The following EPRS1 variants were observed in gnomAD, a reference collection of about 807,000 sequenced individuals.
EPRS1 encodes glutamyl-prolyl-tRNA synthetase 1.
A neutral mutation model predicts 188.3 loss-of-function variants in EPRS1; 107 were observed. The ratio of observed to expected loss-of-function variants is 0.57; its 90% CI spans 0.49 to 0.67. EPRS1 has a LOEUF of 0.67. Among genes scored for constraint, EPRS1 ranks in the 30% least tolerant of loss-of-function variants. The probability of loss-of-function intolerance (pLI) is 0.00; values close to 1 mark genes in which losing one functional copy is unlikely to be tolerated. For synonymous variants in EPRS1, 596 were observed against 593.1 expected (o/e 1.00, Z -0.07); for missense variants, 1,577 against 1,802.2 (o/e 0.88, Z 2.26).
chr1:220,030,500 T>C lies in EPRS1; in HGVS notation c.529-20A>G. The C allele has an allele frequency of 1.3e-6, 2 of 1,586,344 alleles. No individual in the cohort carries two copies. The highest frequency in any genetic ancestry group is 2.7e-5 in the African/African-American group (2 of 74,524). Reference sequence around the variant, plus strand: ...AGGTGCCTGAAAAACACAACCACCATCACAACAAAAAGTCTTATGGTTAAA... The same window carrying C: ...AGGTGCCTGAAAAACACAACCACCACCACAACAAAAAGTCTTATGGTTAAA... On this transcript the variant is annotated intron_variant, in intron 5 of 31. Coordinates refer to ENST00000366923, the MANE Select transcript of EPRS1 (RefSeq NM_004446.3).
chr1:220,010,516 T>C (rs1451667168), intron 13 of EPRS1, among the ~76,000 whole-genome samples: 1 of 152,116 alleles, frequency 6.6e-6, no homozygotes, highest in Non-Finnish European at 1.5e-5. Flanking sequence ...CAATGTTGAA[T>C]AGAAAATCAT....
intron 15 of EPRS1, among the ~76,000 whole-genome samples, chr1:220,005,688 G>C (rs1192733832): frequency 6.6e-6 from 1 of 152,136 alleles, no homozygotes; most frequent in African/African-American, 2.4e-5. Context: ...GCATGCTGGC[G>C]TAAGGCTTAA....
intron 2 of EPRS1, among the ~76,000 whole-genome samples, chr1:220,039,411 A>C (rs1662251458): frequency 1.3e-5 from 2 of 152,222 alleles, no homozygotes; most frequent in African/African-American, 4.8e-5. Context: ...GTTTGCTGAA[A>C]AATTTAAGTC....
In EPRS1 at chr1:220,024,350, TC is replaced by T; in HGVS notation, c.856del (p.Glu286LysfsTer14). 1 of 1,613,520 alleles carries T rather than the reference TC, an allele frequency of 6.2e-7. No individual in the cohort carries two copies. The highest frequency in any genetic ancestry group is 8.5e-7 in the Non-Finnish European group (1 of 1,179,508). On this transcript the variant is annotated frameshift_variant, in exon 8 of 32. Transcript: ENST00000366923. LOFTEE classifies it high-confidence loss of function. ...IMKYAEKLIQEGKAYVDDTPA... is the reference protein window; with the variant it reads ...IMKYAEKLIQXGKAYVDDTPA... Reference sequence around the variant, plus strand: ...AGTATCATCCACATAAGCCTTCCCTTCTTGAATTAGCTTCTCTGCATACTTC... The same window carrying T: ...AGTATCATCCACATAAGCCTTCCCTTTTGAATTAGCTTCTCTGCATACTTC...
chr1:219,996,031 G>A (rs892259886), intron 18 of EPRS1, among the ~76,000 whole-genome samples: 14 of 152,106 alleles, frequency 9.2e-5, no homozygotes, highest in African/African-American at 2.4e-4. Context: ...ATTGTTTTTC[G>A]TTGCAGTACT....
chr1:220,017,056 T>C (rs569496068), intron 12 of EPRS1, among the ~76,000 whole-genome samples: 1 of 151,700 alleles, frequency 6.6e-6, no homozygotes, highest in Non-Finnish European at 1.5e-5. Flanking sequence ...CTACTAAAAA[T>C]ACAAAAATTA....
At chr1:219,993,147 A>AT (rs1201189568) in intron 18 of EPRS1, among the ~76,000 whole-genome samples, 1 of 150,778 alleles carries the variant, frequency 6.6e-6, no homozygotes, top group African/African-American at 2.4e-5. Context: ...AGATGAGAGG[A>AT]TTGCTTGGGA....
At chr1:220,007,446 G>T in intron 13 of EPRS1, 108 bp from the exon 14 acceptor site, 2 of 1,039,940 alleles carry the variant, frequency 1.9e-6, no homozygotes, top group Non-Finnish European at 2.8e-6. Flanking sequence ...AGTCTTCTGT[G>T]TTACTAAACT....
At chr1:219,971,994 GCATAAATTCAATGAGCCTTAAAA>G in intron 30 of EPRS1, 52 bp downstream of exon 30, 1 of 822,346 alleles carries the variant, frequency 1.2e-6, no homozygotes, top group Non-Finnish European at 1.9e-6. Context: ...TTAATACCAT[GCATAAATTCAATGAGCCTTAAAA>G]TACAATTTAC....
intron 16 of EPRS1, among the ~76,000 whole-genome samples, chr1:220,003,780 G>A (rs1661406647): frequency 6.6e-6 from 1 of 152,296 alleles, no homozygotes; most frequent in Middle Eastern, 3.4e-3. Context: ...GTATGCATGC[G>A]TGAGCTTATG....
chr1:220,039,287 T>G (rs780503666), intron 2 of EPRS1, among the ~76,000 whole-genome samples: 64 of 152,138 alleles, frequency 4.2e-4, no homozygotes, highest in Admixed American at 2.2e-3. Flanking sequence ...CACTCATTTC[T>G]GGGAGTAGGC....
At position 220,007,239 on chromosome 1, in the gene EPRS1, T is replaced by A; in HGVS notation, c.1705A>T (p.Ile569Leu). The A allele has an allele frequency of 6.2e-7, 1 of 1,613,892 alleles. No homozygotes were observed. Residue 569 changes from isoleucine (I) to leucine (L), a missense_variant, in exon 14 of 32, where the codon ATA (isoleucine) becomes TTA (leucine). Ile to Leu is a conservative substitution (Grantham distance 5). Transcript: ENST00000366923. ...TFSEGEMVTF[I>L]NWGNLNITKI... Reference sequence around the variant, plus strand: ...GTAATGTTGAGGTTGCCCCAATTTATAAATGTAACCATCTCACCCTCCGAA... The same window carrying A: ...GTAATGTTGAGGTTGCCCCAATTTAAAAATGTAACCATCTCACCCTCCGAA...
In EPRS1 at chr1:219,980,822, A is replaced by G. The variant is rs1298748519; in HGVS notation, c.3489T>C (p.Arg1163=). 1.9e-6 allele frequency: 3 copies of G among 1,613,426 alleles called. No individual in the cohort carries two copies. Among genetic ancestry groups the G allele is most frequent in the Non-Finnish European group, 2.5e-6 (3 of 1,179,664 alleles). The change falls in exon 25 of 32, where the codon CGT becomes CGC. Residue 1163 remains arginine (R), a synonymous_variant. Coordinates refer to ENST00000366923, the MANE Select transcript of EPRS1 (RefSeq NM_004446.3). The part of the protein sequence containing the change: ...WEFKHPQPFL[R]TREFLWQEGH... Reference sequence around the variant, plus strand: ...CTTCCTGCCAAAGAAATTCACGAGTACGTAGGAAAGGCTGAGGATGCTTGA... The same window carrying G: ...CTTCCTGCCAAAGAAATTCACGAGTGCGTAGGAAAGGCTGAGGATGCTTGA...
intron 9 of EPRS1, among the ~76,000 whole-genome samples, chr1:220,020,827 TATATATA>T (rs1661860272): frequency 0.011 from 26 of 2,366 alleles, no homozygotes; most frequent in African/African-American, 0.028. Context: ...TTTGAATTTA[TATATATA>T]TATATATATA....
intron 8 of EPRS1, among the ~76,000 whole-genome samples, chr1:220,023,831 A>G (rs1284507863): frequency 2.6e-5 from 4 of 152,218 alleles, no homozygotes; most frequent in Admixed American, 2.0e-4. Flanking sequence ...TTTCTAAGAC[A>G]AATGAGTCAT....
chr1:220,016,052 A>G (rs901478966), intron 12 of EPRS1, among the ~76,000 whole-genome samples: 3 of 152,176 alleles, frequency 2.0e-5, no homozygotes, highest in African/African-American at 7.2e-5. Context: ...TTGTGGAGAC[A>G]GAAAAGTATG....
intron 30 of EPRS1, 27 bp from the exon 31 acceptor site, chr1:219,969,149 G>T (rs749174714): frequency 2.0e-6 from 3 of 1,467,334 alleles, no homozygotes; most frequent in Non-Finnish European, 2.9e-6. Context: ...AAAGTAATCA[G>T]TATTTATAAC....
chr1:220,008,104 C>A (rs1302770832), intron 13 of EPRS1, among the ~76,000 whole-genome samples: 6 of 88,612 alleles, frequency 6.8e-5, no homozygotes, highest in African/African-American at 2.5e-4. Flanking sequence ...GAGACTCCGT[C>A]ACCAAAAAAA....
At chr1:219,987,097 T>C in intron 20 of EPRS1, 45 bp downstream of exon 20, 1 of 1,570,884 alleles carries the variant, frequency 6.4e-7, no homozygotes, top group Non-Finnish European at 8.6e-7. Flanking sequence ...AAGAATTGAA[T>C]TAATTCACTG....
Sources: allele counts gnomAD v4.1 joint callset (sites outside exome capture counted in the v4.1 genomes callset), GRCh38; gene constraint gnomAD v4.1.1; transcripts MANE v1.5; gene names NCBI Gene and HGNC (gene_info 2026-07-23, HGNC 2026-07-21).